Variants in HSD17B12 observed in about 807,000 individuals in gnomAD.
HSD17B12 encodes hydroxysteroid 17-beta dehydrogenase 12.
Under a neutral mutation model 39.3 loss-of-function variants are expected in HSD17B12, and 32 were observed. The ratio of observed to expected loss-of-function variants is 0.81; its 90% CI spans 0.61 to 1.09. The LOEUF (loss-of-function observed/expected upper bound fraction) is 1.09, where lower values mean the gene tolerates loss of function less well. HSD17B12 is among the 50% of genes least tolerant of loss of function. The probability of loss-of-function intolerance (pLI) is 0.00; values close to 1 mark genes in which losing one functional copy is unlikely to be tolerated. For synonymous variants in HSD17B12, 150 were observed against 146.7 expected, an observed-to-expected ratio of 1.02 and a Z score of -0.16; for missense variants, 342 against 382.9, an observed-to-expected ratio of 0.89 and a Z score of 0.89.
chr11:43,590,593 C>T, the HSD17B12 span, among the ~76,000 whole-genome samples: 1 of 136,866 alleles, frequency 7.3e-6, no homozygotes, highest in Non-Finnish European at 1.5e-5. Flanking sequence ...CAACCTCTGC[C>T]TCCCAGGTTC....
chr11:43,759,909 A>T (rs1198633180), intron 3 of HSD17B12, among the ~76,000 whole-genome samples: 211 of 148,524 alleles, frequency 1.4e-3, no homozygotes, highest in African/African-American at 4.8e-3. Context: ...TTTTTTTTTT[A>T]AATTGAGACA....
chr11:43,739,061 A>G (rs1481768200), intron 1 of HSD17B12, among the ~76,000 whole-genome samples: 1 of 152,214 alleles, frequency 6.6e-6, no homozygotes, highest in Non-Finnish European at 1.5e-5. Context: ...GCAAACATAG[A>G]TAAAACTGGT....
the HSD17B12 span, among the ~76,000 whole-genome samples, chr11:43,605,911 A>G: frequency 2.0e-5 from 3 of 152,214 alleles, no homozygotes; most frequent in African/African-American, 7.2e-5. Flanking sequence ...AAATTAGACA[A>G]TCTTAAAGAG....
intron 1 of HSD17B12, among the ~76,000 whole-genome samples, chr11:43,687,814 A>T (rs759905979): frequency 6.6e-6 from 1 of 152,240 alleles, no homozygotes; most frequent in Non-Finnish European, 1.5e-5. Context: ...TCTTGTTTCT[A>T]TGACTTCCCT....
At chr11:43,605,733 T>G in the HSD17B12 span, among the ~76,000 whole-genome samples, 2 of 152,094 alleles carry the variant, frequency 1.3e-5, no homozygotes, top group African/African-American at 4.8e-5. Flanking sequence ...CAAAACAGAG[T>G]ATACCAGAGG....
At chr11:43,580,768 G>A in the HSD17B12 span, among the ~76,000 whole-genome samples, 1 of 151,852 alleles carries the variant, frequency 6.6e-6, no homozygotes, top group African/African-American at 2.4e-5. Context: ...TCTAGGTTTT[G>A]TTGAATAATT....
chr11:43,633,250 G>A, the HSD17B12 span, among the ~76,000 whole-genome samples: 1 of 152,174 alleles, frequency 6.6e-6, no homozygotes, highest in African/African-American at 2.4e-5. Flanking sequence ...AAAGACAACA[G>A]GCCAGGCACG....
chr11:43,801,595 GATATATATATATATATATATATAT>G (rs55674379), intron 4 of HSD17B12, among the ~76,000 whole-genome samples: 16 of 72,788 alleles, frequency 2.2e-4, no homozygotes, highest in Admixed American at 1.1e-3. Flanking sequence ...GATAGTTGGA[GATATATATATATATATATATATAT>G]ATATATATAT....
At chr11:43,774,629 A>G (rs1265675323) in intron 3 of HSD17B12, among the ~76,000 whole-genome samples, 1 of 152,224 alleles carries the variant, frequency 6.6e-6, no homozygotes, top group Non-Finnish European at 1.5e-5. Flanking sequence ...TTCTATAACA[A>G]TTAAATGTGC....
intron 1 of HSD17B12, among the ~76,000 whole-genome samples, chr11:43,709,272 C>T (rs1257265583): frequency 5.9e-5 from 9 of 152,288 alleles, no homozygotes; most frequent in Non-Finnish European, 1.3e-4. Context: ...ATTACAGGCG[C>T]GCACCACCAC....
chr11:43,769,793 A>G (rs1480296973), intron 3 of HSD17B12, among the ~76,000 whole-genome samples: 1 of 152,210 alleles, frequency 6.6e-6, no homozygotes, highest in Non-Finnish European at 1.5e-5. Flanking sequence ...TAGACCAGCA[A>G]TGTGGGGGCC....
the HSD17B12 span, among the ~76,000 whole-genome samples, chr11:43,560,693 C>A: frequency 6.6e-6 from 1 of 152,164 alleles, no homozygotes; most frequent in Non-Finnish European, 1.5e-5. Context: ...ATCCCATAGA[C>A]TTCACTTACA....
At position 43,840,053 on chromosome 11, in the gene HSD17B12, G is replaced by GT; in HGVS notation, c.674dup (p.Phe226LeufsTer16). ...CCATGAGGAGTATAGGAGCAAGGGC[G>GT]TCTTTGTGCAGGTGAGTGGAGTTTG... On this transcript the variant is annotated frameshift_variant, in exon 9 of 11. Transcript: ENST00000278353. LOFTEE classifies it high-confidence loss of function. The GT allele has an allele frequency of 1.2e-6, 2 of 1,612,122 alleles. No individual in the cohort carries two copies. Among genetic ancestry groups the GT allele is most frequent in the Non-Finnish European group, 1.7e-6 (2 of 1,178,822 alleles).
At chr11:43,607,022 A>G in the HSD17B12 span, among the ~76,000 whole-genome samples, 1 of 152,156 alleles carries the variant, frequency 6.6e-6, no homozygotes, top group South Asian at 2.1e-4. Context: ...ACTTCAGATG[A>G]TGGTTGTGGA....
At chr11:43,571,418 C>T in the HSD17B12 span, among the ~76,000 whole-genome samples, 1 of 152,170 alleles carries the variant, frequency 6.6e-6, no homozygotes, top group Non-Finnish European at 1.5e-5. Context: ...TTTAGCTCCC[C>T]TGTCTTTGCT....
At chr11:43,724,098 A>G (rs1010133886) in intron 1 of HSD17B12, 1 of 152,162 alleles carries the variant, frequency 6.6e-6, no homozygotes, top group Non-Finnish European at 1.5e-5. Flanking sequence ...AGAAGCTGTT[A>G]TAGATCACTA....
At chr11:43,850,366 G>T (rs937807765) in intron 9 of HSD17B12, among the ~76,000 whole-genome samples, 1 of 152,112 alleles carries the variant, frequency 6.6e-6, no homozygotes, top group African/African-American at 2.4e-5. Flanking sequence ...CTTCATAGGA[G>T]CCCCAGCTTC....
chr11:43,832,467 AG>A (rs780457565), intron 7 of HSD17B12, among the ~76,000 whole-genome samples: 1 of 152,250 alleles, frequency 6.6e-6, no homozygotes, highest in East Asian at 1.9e-4. Context: ...ACAGAAATCC[AG>A]TGCATTAAAT....
intron 6 of HSD17B12, among the ~76,000 whole-genome samples, chr11:43,817,070 T>G (rs949807036): frequency 1.3e-5 from 2 of 149,216 alleles, no homozygotes; most frequent in African/African-American, 5.0e-5. Flanking sequence ...CTCGTGGTTT[T>G]GGTTTGCATT....
Sources: allele counts gnomAD v4.1 joint callset (sites outside exome capture counted in the v4.1 genomes callset), GRCh38; gene constraint gnomAD v4.1.1; transcripts MANE v1.5; gene names NCBI Gene and HGNC (gene_info 2026-07-23, HGNC 2026-07-21).